KCNQ1: variants seen among roughly 807,000 people sequenced by gnomAD.
KCNQ1 encodes potassium voltage-gated channel subfamily Q member 1.
In KCNQ1, 49 loss-of-function variants were observed where a neutral mutation model predicts 72.4. The observed-to-expected ratio is 0.68, with a 90% CI of 0.54 to 0.86. KCNQ1 has a LOEUF of 0.86. Among genes scored for constraint, KCNQ1 ranks in the 40% least tolerant of loss-of-function variants. The pLI, the probability that KCNQ1 is intolerant of heterozygous loss-of-function variation, is 0.00. For synonymous variants in KCNQ1, 450 were observed against 412.6 expected (o/e 1.09, Z -1.10); for missense variants, 790 against 945.1 (o/e 0.84, Z 2.15).
rs565020097 is a variant in KCNQ1, at chr11:2,731,960, C to T, written c.1515-36884C>T. On this transcript the variant is annotated intron_variant, in intron 11 of 15. Coordinates refer to ENST00000155840, the MANE Select transcript of KCNQ1 (RefSeq NM_000218.3). Reference sequence around the variant, plus strand: ...TGCAGAGAGGAGAGGAGAGGGAGGCCGCCTTGCCAGCAGGGGACCAGCGAG... The same window carrying T: ...TGCAGAGAGGAGAGGAGAGGGAGGCTGCCTTGCCAGCAGGGGACCAGCGAG... Among the ~76,000 whole-genome samples, 91 of 152,332 alleles carry T rather than the reference C, an allele frequency of 6.0e-4. 2 individuals carry two copies. The South Asian group carries it at 0.018, about 30-fold the overall frequency.
intron 10 of KCNQ1, chr11:2,656,918 G>A (rs192008163): frequency 1.0e-5 from 4 of 398,584 alleles, no homozygotes; most frequent in African/African-American, 6.2e-5. Context: ...GTAATTAAGG[G>A]TCCAACTTAA....
chr11:2,607,047 C>T (rs556813321), intron 10 of KCNQ1, among the ~76,000 whole-genome samples: 4 of 151,850 alleles, frequency 2.6e-5, no homozygotes, highest in South Asian at 2.1e-4. Flanking sequence ...GGACTACAGG[C>T]GCATGCTGCC....
In KCNQ1 at chr11:2,623,016, C is replaced by G. The variant is rs1420484148; in HGVS notation, c.1393+34162C>G. Reference sequence around the variant, plus strand: ...CAAATCTCATCTTGAACTGTAATCCCCATGTGTCAGGGGAGGGGCCTGGTG... The same window carrying G: ...CAAATCTCATCTTGAACTGTAATCCGCATGTGTCAGGGGAGGGGCCTGGTG... On this transcript the variant is annotated intron_variant, in intron 10 of 15. Coordinates refer to ENST00000155840, the MANE Select transcript of KCNQ1 (RefSeq NM_000218.3). This position sits in a 1 kb window ranked among gnomAD's most constrained non-coding sequence, Gnocchi z 5.2. 2.5e-6 allele frequency: 1 copy of G among 398,432 alleles called. No homozygotes were observed. The highest frequency in any genetic ancestry group is 2.1e-5 in the African/African-American group (1 of 48,602). 24.7% of individuals were successfully genotyped at this position (398,432 alleles called of 1,614,324 possible). A position where few individuals can be genotyped will look rare whatever the true frequency, so the allele number is the denominator to read the frequency against.
chr11:2,716,708 C>T (rs748786463), intron 11 of KCNQ1, among the ~76,000 whole-genome samples: 1 of 152,248 alleles, frequency 6.6e-6, no homozygotes, highest in Non-Finnish European at 1.5e-5. Context: ...GGAAGGCAGC[C>T]GTGAAAGGCA....
Position 2,451,375 on chromosome 11 carries a change from G to A in KCNQ1, c.386+5891G>A, listed in dbSNP as rs1051621440. Among the ~76,000 whole-genome samples, 4 of 152,280 alleles carry A rather than the reference G, an allele frequency of 2.6e-5. No individual in the cohort carries two copies. The highest frequency in any genetic ancestry group is 3.9e-4 in the East Asian group (2 of 5,176). On this transcript the variant is annotated intron_variant, in intron 1 of 15. Coordinates refer to ENST00000155840, the MANE Select transcript of KCNQ1 (RefSeq NM_000218.3). The surrounding 1 kb of genome is among the most constrained non-coding windows in gnomAD (Gnocchi z 6.4). ...AACAGGAGGTAGAGCTCAGGTGGCC[G>A]TGCACATTCACCTGACGCTCACTCA...
At chr11:2,802,993 C>T (rs1469374351) in intron 15 of KCNQ1, among the ~76,000 whole-genome samples, 1 of 152,202 alleles carries the variant, frequency 6.6e-6, no homozygotes, top group South Asian at 2.1e-4. Context: ...AGCTCCACTT[C>T]GCCACCCAGA....
rs1356265003 is a variant in KCNQ1 at position 2,720,389 on chromosome 11, G to A, written c.1515-48455G>A. On this transcript the variant is annotated intron_variant, in intron 11 of 15. Transcript: ENST00000155840. The surrounding 1 kb of genome is among the most constrained non-coding windows in gnomAD (Gnocchi z 5.1). ...GCTACAGTCAGGCCTCCTTCGTGCT[G>A]AGCATGTGCTGGCCCTGCCTGGGGA... Among the ~76,000 whole-genome samples, 1 of 152,190 alleles carries A rather than the reference G, an allele frequency of 6.6e-6. No homozygotes were observed. The highest frequency in any genetic ancestry group is 1.5e-5 in the Non-Finnish European group (1 of 68,034).
chr11:2,615,876 C>T, intron 10 of KCNQ1: 1 of 398,050 alleles, frequency 2.5e-6, no homozygotes, highest in Non-Finnish European at 4.4e-6. Context: ...ATACTGGCCT[C>T]ATAGAATGTA....
At position 2,751,204 on chromosome 11, in the gene KCNQ1, G is replaced by A. The variant is rs114680415; in HGVS notation, c.1515-17640G>A. The stretch of plus-strand genomic sequence containing the variant: ...GTCCCTCTGAGCGGAGGGTCACCCT[G>A]GTCACCATGAAAACTTTATCCTCAT... On this transcript the variant is annotated intron_variant, in intron 11 of 15. Transcript: ENST00000155840. Among the ~76,000 whole-genome samples, 758 of 152,218 alleles carry A rather than the reference G, an allele frequency of 5.0e-3. 8 individuals are homozygous for A. The highest frequency in any genetic ancestry group is 0.017 in the African/African-American group (701 of 41,526).
chr11:2,554,017 G>A (rs1291278168), intron 2 of KCNQ1, among the ~76,000 whole-genome samples: 1 of 152,180 alleles, frequency 6.6e-6, no homozygotes, highest in Non-Finnish European at 1.5e-5. Context: ...ATGCCCAGCT[G>A]TCATGATGCG....
rs956940049 is a variant in KCNQ1 at position 2,549,515 on chromosome 11, G to A, written c.478-21113G>A. ...GTCCCCCGGGGGCTGCAAAAGCAGA[G>A]GGAGTGGAGTGTCACCGGGTGTCCC... On this transcript the variant is annotated intron_variant, in intron 2 of 15. Transcript: ENST00000155840. This position sits in a 1 kb window ranked among gnomAD's most constrained non-coding sequence, Gnocchi z 6.2. Among the ~76,000 whole-genome samples, 6 of 152,218 alleles carry A rather than the reference G, an allele frequency of 3.9e-5. No individual in the cohort carries two copies. Among genetic ancestry groups the A allele is most frequent in the Non-Finnish European group, 8.8e-5 (6 of 68,028 alleles).
chr11:2,547,516 G>A lies in KCNQ1; in HGVS notation c.477+19498G>A, dbSNP rs1470003119. Among the ~76,000 whole-genome samples the A allele has an allele frequency of 6.6e-6, 1 of 152,220 alleles. No homozygotes were observed. The highest frequency in any genetic ancestry group is 1.5e-5 in the Non-Finnish European group (1 of 68,042). On this transcript the variant is annotated intron_variant, in intron 2 of 15. Transcript: ENST00000155840. The surrounding 1 kb of genome is among the most constrained non-coding windows in gnomAD (Gnocchi z 4.2). ...CCCAAAGTGCTGGGATCACAGGCAT[G>A]AGCCACCGTGCCCAGCCTGTATTTT...
chr11:2,835,617 G>T (rs1479216082), intron 15 of KCNQ1, among the ~76,000 whole-genome samples: 3 of 152,232 alleles, frequency 2.0e-5, no homozygotes, highest in Non-Finnish European at 4.4e-5. Flanking sequence ...TGCCGTGGCA[G>T]AGACAGAAAA....
chr11:2,688,079 C>CT (rs1431135630), intron 11 of KCNQ1: 1 of 398,792 alleles, frequency 2.5e-6, no homozygotes, highest in African/African-American at 2.1e-5. Context: ...CTTCTAGGGC[C>CT]TGGGTATGCT....
intron 15 of KCNQ1, among the ~76,000 whole-genome samples, chr11:2,786,493 G>A (rs11529599): frequency 0.092 from 13,992 of 151,700 alleles, 728 homozygotes; most frequent in East Asian, 0.19. Flanking sequence ...TTAATACTTC[G>A]TAAGATTTCA....
In KCNQ1 at chr11:2,759,109, C is replaced by CT. The variant is rs200347667; in HGVS notation, c.1515-9722dup. Among the ~76,000 whole-genome samples the CT allele has an allele frequency of 5.6e-4, 41 of 72,624 alleles. No homozygotes were observed. The highest frequency in any genetic ancestry group is 2.9e-3 in the East Asian group (6 of 2,064). The allele number at this position is 72,624 out of a possible 152,430, so 47.6% of individuals were successfully genotyped here. On this transcript the variant is annotated intron_variant, in intron 11 of 15. Transcript: ENST00000155840. The surrounding 1 kb of genome is among the most constrained non-coding windows in gnomAD (Gnocchi z 4.4). ...AGAGGGCATACAGGACCTCTTGGTA[C>CT]TTTTTTTTTTTTTCCCAACTTCCTA...
intron 1 of KCNQ1, among the ~76,000 whole-genome samples, chr11:2,453,974 T>A (rs1426302522): frequency 1.3e-5 from 2 of 152,168 alleles, no homozygotes; most frequent in African/African-American, 4.8e-5. Flanking sequence ...CTTGCTGTGT[T>A]GGCAAGGGTG....
In KCNQ1 at chr11:2,645,985, G is replaced by A. The variant is rs573185666; in HGVS notation, c.1394-15976G>A. 17 of 398,652 alleles carry A rather than the reference G, an allele frequency of 4.3e-5. No individual in the cohort carries two copies. The South Asian group carries it at 2.0e-3, about 48-fold the overall frequency. The allele number at this position is 398,652 out of a possible 1,614,324, so 24.7% of individuals were successfully genotyped here. Reference sequence around the variant, plus strand: ...GGGTTCTCTGACTAGGATTTCAGGAGTCTGCTGTGGGAATGTGGACCACTA... The same window carrying A: ...GGGTTCTCTGACTAGGATTTCAGGAATCTGCTGTGGGAATGTGGACCACTA... On this transcript the variant is annotated intron_variant, in intron 10 of 15. Coordinates refer to ENST00000155840, the MANE Select transcript of KCNQ1 (RefSeq NM_000218.3). The surrounding 1 kb of genome is among the most constrained non-coding windows in gnomAD (Gnocchi z 5.8).
rs1454982068 is a variant in KCNQ1, at chr11:2,691,406, CTGTCT to C, written c.1514+29326_1514+29330del. The C allele has an allele frequency of 5.0e-6, 2 of 398,660 alleles. No individual in the cohort carries two copies. The highest frequency in any genetic ancestry group is 4.4e-6 in the Non-Finnish European group (1 of 226,084). The allele number at this position is 398,660 out of a possible 1,614,324, so 24.7% of individuals were successfully genotyped here. A position where few individuals can be genotyped will look rare whatever the true frequency, so the allele number is the denominator to read the frequency against. On this transcript the variant is annotated intron_variant, in intron 11 of 15. Coordinates refer to ENST00000155840, the MANE Select transcript of KCNQ1 (RefSeq NM_000218.3). The surrounding 1 kb of genome is among the most constrained non-coding windows in gnomAD (Gnocchi z 6.4). ...TCTGGGCATAGAAGCCCAGGAACTG[CTGTCT>C]GTGGGGAGTCCACTGAAGCTCCCTG...
Sources: gnomAD v4.1 joint callset for allele counts (sites outside exome capture counted in the v4.1 genomes callset) on GRCh38, gnomAD v4.1.1 for gene constraint, Gnocchi (gnomAD v3.1) non-coding constraint, MANE v1.5 for transcripts, NCBI Gene and HGNC (gene_info 2026-07-23, HGNC 2026-07-21) for gene names.